The following NUP93 variants were observed in gnomAD, a reference collection of about 807,000 sequenced individuals.
The protein encoded by NUP93 is nucleoporin 93.
In NUP93, 55 loss-of-function variants were observed where a neutral mutation model predicts 107.8. The observed-to-expected ratio is 0.51, with a 90% CI of 0.41 to 0.64. NUP93 has a LOEUF of 0.64. NUP93 is among the 30% of genes least tolerant of loss of function. The pLI, the probability that NUP93 is intolerant of heterozygous loss-of-function variation, is 0.00. For synonymous variants in NUP93, 390 were observed against 397.5 expected (o/e 0.98, Z 0.22); for missense variants, 937 against 1,044.7 (o/e 0.90, Z 1.42).
chr16:56,757,745 G>A (rs1349496970), intron 2 of NUP93, among the ~76,000 whole-genome samples: 3 of 152,208 alleles, frequency 2.0e-5, no homozygotes, highest in Non-Finnish European at 2.9e-5. Flanking sequence ...TGAACATGGC[G>A]TTTGGCTTTT....
At position 56,841,775 on chromosome 16, in the gene NUP93, A is replaced by C; in HGVS notation, c.2291A>C (p.Lys764Thr). The change falls in exon 21 of 22, where the codon AAG (lysine) becomes ACG (threonine). Residue 764 changes from lysine to threonine, a missense_variant. Physicochemically the swap from Lys to Thr is moderately conservative, Grantham distance 78 (BLOSUM62 -1). Transcript: ENST00000308159. Reference sequence around the variant, plus strand: ...TTGTTCACACAGTTTAAGAGGCTCAAGGGGACAAGTCCATCCTCGTCATCC... The same window carrying C: ...TTGTTCACACAGTTTAAGAGGCTCACGGGGACAAGTCCATCCTCGTCATCC... ...NILFTQFKRL[K>T]GTSPSSSSRP... 6.2e-7 allele frequency: 1 copy of C among 1,614,220 alleles called. No homozygotes were observed. The highest frequency in any genetic ancestry group is 8.5e-7 in the Non-Finnish European group (1 of 1,180,030).
chr16:56,825,903 A>G (rs1963648512), intron 8 of NUP93, among the ~76,000 whole-genome samples: 1 of 152,226 alleles, frequency 6.6e-6, no homozygotes, highest in Non-Finnish European at 1.5e-5. Context: ...TCTGCTGCTG[A>G]TTCACTGACA....
In NUP93 at chr16:56,841,761, G is replaced by C. The variant is rs780582794; in HGVS notation, c.2277G>C (p.Gln759His). The change falls in exon 21 of 22, where the codon CAG becomes CAC. Residue 759 changes from glutamine (Q) to histidine (H), a missense_variant. Physicochemically the swap from Gln to His is conservative, Grantham distance 24. Coordinates refer to ENST00000308159, the MANE Select transcript of NUP93 (RefSeq NM_014669.5). Reference sequence around the variant, plus strand: ...CCACCATGAACATCTTGTTCACACAGTTTAAGAGGCTCAAGGGGACAAGTC... The same window carrying C: ...CCACCATGAACATCTTGTTCACACACTTTAAGAGGCTCAAGGGGACAAGTC... ...LLATMNILFTQFKRLKGTSPS... is the reference protein window; with the variant it reads ...LLATMNILFTHFKRLKGTSPS... The C allele has an allele frequency of 6.2e-7, 1 of 1,614,200 alleles. No individual in the cohort carries two copies. Among genetic ancestry groups the C allele is most frequent in the African/African-American group, 1.3e-5 (1 of 75,060 alleles).
chr16:56,752,054 CT>C (rs1961930292), intron 2 of NUP93, among the ~76,000 whole-genome samples: 1 of 152,202 alleles, frequency 6.6e-6, no homozygotes, highest in Non-Finnish European at 1.5e-5. Flanking sequence ...CTTAAATGAC[CT>C]TTCTTTTCTG....
At chr16:56,819,955 G>C (rs1446934753) in intron 6 of NUP93, among the ~76,000 whole-genome samples, 1 of 151,866 alleles carries the variant, frequency 6.6e-6, no homozygotes, top group African/African-American at 2.4e-5. Context: ...ATTTCCTCCT[G>C]CTCCAATTTT....
In NUP93 at chr16:56,847,284, AT is replaced by A. The variant is rs1205064892; in HGVS notation, c.*2676del. The A allele has an allele frequency of 6.6e-6, 1 of 152,238 alleles. No individual in the cohort carries two copies. The highest frequency in any genetic ancestry group is 1.5e-5 in the Non-Finnish European group (1 of 68,046). 9.4% of individuals were successfully genotyped at this position (152,238 alleles called of 1,614,324 possible). ...CACAACATCAGGTTGTCATGTACCC[AT>A]CATTACAGCTTATGCCCAGAAGTCC... is the stretch of plus-strand genomic sequence containing the variant. On this transcript the variant is annotated 3_prime_UTR_variant, in exon 22 of 22. Coordinates refer to ENST00000308159, the MANE Select transcript of NUP93 (RefSeq NM_014669.5).
chr16:56,769,582 T>C (rs1962283067), intron 3 of NUP93, among the ~76,000 whole-genome samples: 1 of 151,466 alleles, frequency 6.6e-6, no homozygotes, highest in Non-Finnish European at 1.5e-5. Flanking sequence ...TCAGGTTTGC[T>C]GCCCTACAGG....
chr16:56,809,317 G>T (rs948574053), intron 5 of NUP93, among the ~76,000 whole-genome samples: 1 of 152,168 alleles, frequency 6.6e-6, no homozygotes, highest in Non-Finnish European at 1.5e-5. Context: ...TAACCCTGCA[G>T]ACCTTCAGGG....
At chr16:56,768,702 T>TA (rs564962218) in intron 3 of NUP93, among the ~76,000 whole-genome samples, 1 of 149,668 alleles carries the variant, frequency 6.7e-6, no homozygotes, top group Non-Finnish European at 1.5e-5. Flanking sequence ...CTGTCTCTAC[T>TA]AAAAAATACA....
At chr16:56,783,869 T>C (rs1412679341) in intron 3 of NUP93, 8 of 985,326 alleles carry the variant, frequency 8.1e-6, no homozygotes, top group Middle Eastern at 1.0e-3. Context: ...TTCTTTTGTC[T>C]ACAGTAAGTA....
At chr16:56,743,355 C>A (rs957323980) in intron 1 of NUP93, among the ~76,000 whole-genome samples, 3 of 152,158 alleles carry the variant, frequency 2.0e-5, no homozygotes, top group Non-Finnish European at 2.9e-5. Context: ...CGCAGACCAG[C>A]ATGAGGAAGT....
intron 3 of NUP93, among the ~76,000 whole-genome samples, chr16:56,795,196 G>A (rs1284701877): frequency 6.6e-6 from 1 of 152,134 alleles, no homozygotes; most frequent in Non-Finnish European, 1.5e-5. Flanking sequence ...CCACAGAGCA[G>A]AATCCATGCC....
At position 56,836,613 on chromosome 16, in the gene NUP93, G is replaced by T. The variant is rs1278056245; in HGVS notation, c.1795G>T (p.Asp599Tyr). 4 of 1,609,682 alleles carry T rather than the reference G, an allele frequency of 2.5e-6. No individual in the cohort carries two copies. In the African/African-American group the frequency reaches 5.3e-5, roughly 21 times the overall value. ...NDGSRKPGVI[D>Y]KFTSDTKPII... ...TTTGTCTTGTCAGCCTGGAGTCATAGATAAGTTTACTAGTGACACAAAGCC... is the reference window on the plus strand; with the variant it reads ...TTTGTCTTGTCAGCCTGGAGTCATATATAAGTTTACTAGTGACACAAAGCC... Residue 599 changes from aspartate (D) to tyrosine (Y), a missense_variant, in exon 17 of 22, where the codon GAT becomes TAT. By Grantham distance (160) the Asp-to-Tyr change is radical. Coordinates refer to ENST00000308159, the MANE Select transcript of NUP93 (RefSeq NM_014669.5).
intron 5 of NUP93, among the ~76,000 whole-genome samples, chr16:56,812,722 T>C (rs1368591986): frequency 6.6e-6 from 1 of 152,106 alleles, no homozygotes; most frequent in Non-Finnish European, 1.5e-5. Context: ...TAGGATATCA[T>C]TGGAAGAAAA....
At chr16:56,740,162 G>C (rs1357101100) in intron 1 of NUP93, among the ~76,000 whole-genome samples, 9 of 137,574 alleles carry the variant, frequency 6.5e-5, no homozygotes, top group Non-Finnish European at 9.6e-5. Context: ...GGTGGCTGCC[G>C]GGCGGAGACG....
intron 3 of NUP93, among the ~76,000 whole-genome samples, chr16:56,775,193 G>A (rs1962395227): frequency 6.6e-6 from 1 of 152,128 alleles, no homozygotes; most frequent in African/African-American, 2.4e-5. Flanking sequence ...GAGCCACCGC[G>A]CCCAGCCCGA....
intron 20 of NUP93, among the ~76,000 whole-genome samples, chr16:56,841,237 A>G (rs867885843): frequency 6.6e-6 from 1 of 152,210 alleles, no homozygotes; most frequent in African/African-American, 2.4e-5. Context: ...GCCTGGCCTT[A>G]TAGACACTCC....
At chr16:56,754,466 C>A (rs1188378588) in intron 2 of NUP93, among the ~76,000 whole-genome samples, 1 of 152,220 alleles carries the variant, frequency 6.6e-6, no homozygotes, top group Non-Finnish European at 1.5e-5. Flanking sequence ...CGTCTCTTTG[C>A]CTATGAGCCT....
intron 3 of NUP93, among the ~76,000 whole-genome samples, chr16:56,797,172 A>AG (rs1450574974): frequency 6.6e-6 from 1 of 152,050 alleles, no homozygotes; most frequent in Non-Finnish European, 1.5e-5. Flanking sequence ...TGGGAGGCTG[A>AG]GGCAGGAGGA....
Sources: allele counts gnomAD v4.1 joint callset (sites outside exome capture counted in the v4.1 genomes callset), GRCh38; gene constraint gnomAD v4.1.1; transcripts MANE v1.5; gene names NCBI Gene and HGNC (gene_info 2026-07-23, HGNC 2026-07-21).